SLC24A2: variants seen among roughly 807,000 people sequenced by gnomAD.
The protein encoded by SLC24A2 is sodium/potassium/calcium exchanger 2.
SLC24A2 carries 36 observed loss-of-function variants against 62.0 expected under a neutral mutation model. That is an observed-to-expected ratio of 0.58 (90% CI 0.44 to 0.77). The LOEUF (loss-of-function observed/expected upper bound fraction) is 0.77, where lower values mean the gene tolerates loss of function less well. SLC24A2 is among the 30% of genes least tolerant of loss of function. The pLI, the probability that SLC24A2 is intolerant of heterozygous loss-of-function variation, is 0.00. For synonymous variants in SLC24A2, 358 were observed against 294.0 expected, an observed-to-expected ratio of 1.22 and a Z score of -2.23; for missense variants, 846 against 817.9, an observed-to-expected ratio of 1.03 and a Z score of -0.42.
the SLC24A2 span, among the ~76,000 whole-genome samples, chr9:20,058,715 A>C: frequency 2.6e-5 from 4 of 152,228 alleles, no homozygotes; most frequent in Non-Finnish European, 5.9e-5. Flanking sequence ...GCAGTGAACT[A>C]CGATTGAGTC....
the SLC24A2 span, among the ~76,000 whole-genome samples, chr9:19,989,287 T>C: frequency 1.3e-5 from 2 of 152,150 alleles, no homozygotes; most frequent in Non-Finnish European, 2.9e-5. Context: ...TCTCTTAGTC[T>C]CTATAAGCTT....
chr9:20,293,554 G>A, the SLC24A2 span, among the ~76,000 whole-genome samples: 1,049 of 152,326 alleles, frequency 6.9e-3, 8 homozygotes, highest in African/African-American at 0.023. Flanking sequence ...TCCTAAGGAA[G>A]CACTGTTATT....
intron 4 of SLC24A2, among the ~76,000 whole-genome samples, chr9:19,617,603 T>A (rs1817803044): frequency 6.6e-6 from 1 of 152,216 alleles, no homozygotes; most frequent in Non-Finnish European, 1.5e-5. Flanking sequence ...TCGTCTTGCA[T>A]ATCTCCTGAT....
the SLC24A2 span, among the ~76,000 whole-genome samples, chr9:19,997,408 T>C: frequency 6.6e-5 from 10 of 152,328 alleles, no homozygotes; most frequent in East Asian, 1.9e-3. Flanking sequence ...CATATGGAAG[T>C]GGACGTACCA....
At chr9:19,561,689 CA>C (rs1207490426) in intron 7 of SLC24A2, among the ~76,000 whole-genome samples, 1 of 152,118 alleles carries the variant, frequency 6.6e-6, no homozygotes, top group Non-Finnish European at 1.5e-5. Flanking sequence ...CTCGGCCTCC[CA>C]AAGTGCTGGG....
chr9:19,899,834 T>A, the SLC24A2 span, among the ~76,000 whole-genome samples: 1 of 152,152 alleles, frequency 6.6e-6, no homozygotes, highest in South Asian at 2.1e-4. Context: ...ACCATCAGAA[T>A]TCACTCATTA....
chr9:19,888,949 C>T, the SLC24A2 span, among the ~76,000 whole-genome samples: 5 of 152,324 alleles, frequency 3.3e-5, no homozygotes, highest in African/African-American at 1.2e-4. Flanking sequence ...GGTATCCTGA[C>T]AACCTGGTAG....
chr9:20,121,194 A>G, the SLC24A2 span, among the ~76,000 whole-genome samples: 1 of 150,604 alleles, frequency 6.6e-6, no homozygotes, highest in Non-Finnish European at 1.5e-5. Flanking sequence ...AATTGCATTT[A>G]TAGGTCAATT....
chr9:20,279,737 T>C, the SLC24A2 span, among the ~76,000 whole-genome samples: 1 of 152,098 alleles, frequency 6.6e-6, no homozygotes, highest in East Asian at 1.9e-4. Context: ...TAAGATTACA[T>C]GTTAAGGGGT....
chr9:19,746,558 A>G (rs1322113374), intron 2 of SLC24A2, among the ~76,000 whole-genome samples: 1 of 152,124 alleles, frequency 6.6e-6, no homozygotes, highest in Non-Finnish European at 1.5e-5. Flanking sequence ...AATAGGAAAA[A>G]TATAAAATAT....
the SLC24A2 span, among the ~76,000 whole-genome samples, chr9:19,840,795 A>G: frequency 6.6e-6 from 1 of 152,254 alleles, no homozygotes; most frequent in Middle Eastern, 3.4e-3. Context: ...TCTGATTTTT[A>G]TCATCTTAAC....
the SLC24A2 span, among the ~76,000 whole-genome samples, chr9:20,241,417 T>C: frequency 2.0e-5 from 3 of 152,216 alleles, no homozygotes; most frequent in African/African-American, 7.2e-5. Context: ...TATGTCTCCA[T>C]CTGTACCTCA....
At chr9:19,613,107 G>A (rs1405879907) in intron 4 of SLC24A2, among the ~76,000 whole-genome samples, 2 of 152,192 alleles carry the variant, frequency 1.3e-5, no homozygotes, top group Admixed American at 1.3e-4. Context: ...TAGTGATAAT[G>A]CTACACTTTG....
At chr9:20,277,302 T>C in the SLC24A2 span, among the ~76,000 whole-genome samples, 1 of 152,048 alleles carries the variant, frequency 6.6e-6, no homozygotes, top group African/African-American at 2.4e-5. Flanking sequence ...ACAGGCAACC[T>C]ACAGAATGGG....
At chr9:20,072,712 T>G in the SLC24A2 span, among the ~76,000 whole-genome samples, 1 of 151,918 alleles carries the variant, frequency 6.6e-6, no homozygotes, top group Non-Finnish European at 1.5e-5. Flanking sequence ...GAGAGGGTAA[T>G]GTAATGATAT....
the SLC24A2 span, among the ~76,000 whole-genome samples, chr9:20,052,309 T>C: frequency 1.3e-5 from 2 of 152,184 alleles, no homozygotes; most frequent in African/African-American, 4.8e-5. Flanking sequence ...CCAACTAAGA[T>C]GGAAGCTACT....
intron 2 of SLC24A2, among the ~76,000 whole-genome samples, chr9:19,635,652 C>T (rs934543511): frequency 2.6e-5 from 4 of 152,268 alleles, no homozygotes; most frequent in Non-Finnish European, 5.9e-5. Flanking sequence ...AATGAGATTT[C>T]ATTCTCCAAG....
intron 9 of SLC24A2, among the ~76,000 whole-genome samples, chr9:19,526,548 G>A (rs1206489761): frequency 6.6e-6 from 1 of 152,086 alleles, no homozygotes; most frequent in Non-Finnish European, 1.5e-5. Context: ...CCATCCTAGT[G>A]GGTGTAAAGT....
chr9:20,014,511 T>TATAC, the SLC24A2 span, among the ~76,000 whole-genome samples: 1 of 149,590 alleles, frequency 6.7e-6, no homozygotes, highest in Non-Finnish European at 1.5e-5. Context: ...TATATATATA[T>TATAC]ATATATACAC....
Sources: allele counts gnomAD v4.1 joint callset (sites outside exome capture counted in the v4.1 genomes callset), GRCh38; gene constraint gnomAD v4.1.1; transcripts MANE v1.5; gene names NCBI Gene and HGNC (gene_info 2026-07-23, HGNC 2026-07-21).